Variants in HDAC2 observed in about 807,000 individuals in gnomAD.
The protein encoded by HDAC2 is YY1-associated factor 1.
A neutral mutation model predicts 68.5 loss-of-function variants in HDAC2; 5 were observed. The observed-to-expected ratio is 0.07, with a 90% confidence interval of 0.04 to 0.15. The LOEUF (loss-of-function observed/expected upper bound fraction) is 0.15, where lower values mean the gene tolerates loss of function less well. Among genes scored for constraint, HDAC2 ranks in the 10% least tolerant of loss-of-function variants. HDAC2 has a pLI of 1.00. For missense variants in HDAC2, 291 were observed against 600.8 expected, an observed-to-expected ratio of 0.48 and a Z score of 5.39; for synonymous variants, 182 against 191.3, an observed-to-expected ratio of 0.95 and a Z score of 0.40.
chr6:113,958,620 G>A (rs752727570), intron 3 of HDAC2, 29 bp downstream of exon 3: 1 of 1,115,172 alleles, frequency 9.0e-7, no homozygotes, highest in Non-Finnish European at 1.3e-6. Context: ...ATTTATCAAA[G>A]CAAAACTACT....
Position 113,943,135 on chromosome 6 carries a change from A to G in HDAC2, c.1378+216T>C, listed in dbSNP as rs115378846. Reference sequence around the variant, plus strand: ...TTAAACCTATGTTATCAAGAAAATAAGGTTTCCTGTATTACTAAAGCAAAT... The same window carrying G: ...TTAAACCTATGTTATCAAGAAAATAGGGTTTCCTGTATTACTAAAGCAAAT... On this transcript the variant is annotated intron_variant, in intron 12 of 13. Coordinates refer to ENST00000519065, the MANE Select transcript of HDAC2 (RefSeq NM_001527.4). 3.8e-3 allele frequency among the ~76,000 whole-genome samples: 585 copies of G among 152,312 alleles called. 7 individuals are homozygous for G. The highest frequency in any genetic ancestry group is 0.013 in the African/African-American group (552 of 41,576).
At chr6:113,941,868 C>T in intron 12 of HDAC2, 103 bp from the exon 13 acceptor site, 2 of 339,666 alleles carry the variant, frequency 5.9e-6, no homozygotes, top group South Asian at 1.0e-4. Context: ...AAAAGTTATG[C>T]AATCTTATTA....
chr6:113,933,529 T>C lies in HDAC2; in HGVS notation c.*7529A>G, dbSNP rs1258948563. On this transcript the variant is annotated 3_prime_UTR_variant, in exon 14 of 14. Transcript: ENST00000519065. The stretch of plus-strand genomic sequence containing the variant: ...ATCCCCTTCCATTCCCCTTCCCACT[T>C]CTATTTCCATTCCAGTCCATTCTAT... 1 of 152,144 alleles carries C rather than the reference T, an allele frequency of 6.6e-6. No individual in the cohort carries two copies. The highest frequency in any genetic ancestry group is 1.5e-5 in the Non-Finnish European group (1 of 68,012). 9.4% of individuals were successfully genotyped at this position (152,144 alleles called of 1,614,324 possible).
intron 6 of HDAC2, among the ~76,000 whole-genome samples, chr6:113,952,547 C>A (rs913208053): frequency 1.3e-5 from 2 of 152,080 alleles, no homozygotes; most frequent in Non-Finnish European, 2.9e-5. Context: ...TTGTTCAATG[C>A]CATATAAATC....
intron 6 of HDAC2, 174 bp from the exon 7 acceptor site, chr6:113,949,434 A>G (rs1434670469): frequency 5.0e-6 from 3 of 604,188 alleles, no homozygotes; most frequent in Non-Finnish European, 8.9e-6. Context: ...TAAACAACAA[A>G]TAAGTATATG....
chr6:113,951,797 G>A (rs1486002136), intron 6 of HDAC2, among the ~76,000 whole-genome samples: 2 of 152,152 alleles, frequency 1.3e-5, no homozygotes. Flanking sequence ...GTGAGAAAAA[G>A]AGATGTTGAA....
intron 6 of HDAC2, 119 bp from the exon 7 acceptor site, chr6:113,949,379 T>C: frequency 1.5e-6 from 1 of 657,100 alleles, no homozygotes; most frequent in Non-Finnish European, 2.7e-6. Flanking sequence ...TTTGAATTCA[T>C]CTTAGAAGTT....
chr6:113,945,859 T>C, intron 9 of HDAC2, 149 bp downstream of exon 9: 1 of 675,370 alleles, frequency 1.5e-6, no homozygotes, highest in South Asian at 2.0e-5. Context: ...GGCTAAGTCA[T>C]GTTTGGTAGG....
In HDAC2 at chr6:113,933,799, A is replaced by C. The variant is rs1334187950; in HGVS notation, c.*7259T>G. 2.0e-5 allele frequency: 3 copies of C among 151,808 alleles called. No homozygotes were observed. Among genetic ancestry groups the C allele is most frequent in the Non-Finnish European group, 2.9e-5 (2 of 67,974 alleles). The allele number at this position is 151,808 out of a possible 1,614,324, so 9.4% of individuals were successfully genotyped here. On this transcript the variant is annotated 3_prime_UTR_variant, in exon 14 of 14. Coordinates refer to ENST00000519065, the MANE Select transcript of HDAC2 (RefSeq NM_001527.4). The stretch of plus-strand genomic sequence containing the variant: ...AATATACATACACACACATATATAC[A>C]CATGTATATATATATATGTGTGTGT...
chr6:113,970,673 C>A (rs1386367447), intron 1 of HDAC2, 184 bp downstream of exon 1: 4 of 1,352,596 alleles, frequency 3.0e-6, no homozygotes, highest in Admixed American at 7.7e-5. Flanking sequence ...GCAGGAACCG[C>A]GGGGGCTGCG....
At chr6:113,969,992 C>T (rs1380021511) in intron 1 of HDAC2, 1 of 152,214 alleles carries the variant, frequency 6.6e-6, no homozygotes, top group Non-Finnish European at 1.5e-5. Flanking sequence ...AGCCAGGACC[C>T]ATGGAGTCTG....
chr6:113,943,431 C>A lies in HDAC2; in HGVS notation c.1298G>T (p.Arg433Ile), dbSNP rs958793647. 6.2e-7 allele frequency: 1 copy of A among 1,610,512 alleles called. No homozygotes were observed. Among genetic ancestry groups the A allele is most frequent in the African/African-American group, 1.3e-5 (1 of 74,856 alleles). Residue 433 changes from arginine (R) to isoleucine (I), a missense_variant, in exon 12 of 14, where the codon AGA becomes ATA. Transcript: ENST00000519065. ...DSEDEGEGGR[R>I]NVADHKKGAK... is the part of the protein sequence containing the mutation. ...TCCTTTCTTATGATCAGCCACATTTCTTCGACCTCCTTCTCCTTCATCCTC... is the reference window on the plus strand; with the variant it reads ...TCCTTTCTTATGATCAGCCACATTTATTCGACCTCCTTCTCCTTCATCCTC...
chr6:113,940,245 C>T lies in HDAC2; in HGVS notation c.*813G>A, dbSNP rs531414920. 3.0e-4 allele frequency: 45 copies of T among 152,208 alleles called. No homozygotes were observed. The highest frequency in any genetic ancestry group is 8.9e-4 in the African/African-American group (37 of 41,522). The allele number at this position is 152,208 out of a possible 1,614,324, so 9.4% of individuals were successfully genotyped here. A position where few individuals can be genotyped will look rare whatever the true frequency, so the allele number is the denominator to read the frequency against. ...CCTTGAGTTAGAAACCTGGATGTCA[C>T]GTAAATAATAATGGAACCTGGATGC... On this transcript the variant is annotated 3_prime_UTR_variant, in exon 14 of 14. Transcript: ENST00000519065.
intron 8 of HDAC2, chr6:113,947,577 C>T (rs986184056): frequency 6.6e-6 from 1 of 152,006 alleles, no homozygotes; most frequent in Non-Finnish European, 1.5e-5. Flanking sequence ...TAAGGACTTT[C>T]AAGTCAAAGA....
intron 12 of HDAC2, among the ~76,000 whole-genome samples, chr6:113,942,509 A>G (rs186239059): frequency 2.6e-5 from 4 of 152,010 alleles, no homozygotes; most frequent in African/African-American, 9.6e-5. Flanking sequence ...CATTATCTCT[A>G]AATCAGTTTT....
chr6:113,957,949 A>T (rs1344562545), intron 3 of HDAC2, among the ~76,000 whole-genome samples: 2 of 152,238 alleles, frequency 1.3e-5, no homozygotes, highest in Non-Finnish European at 2.9e-5. Context: ...TTGTAGCATT[A>T]TAACAAATCA....
At chr6:113,944,072 A>G (rs1303852683) in intron 11 of HDAC2, among the ~76,000 whole-genome samples, 6 of 152,224 alleles carry the variant, frequency 3.9e-5, no homozygotes, top group Non-Finnish European at 8.8e-5. Flanking sequence ...TTTCAATCAT[A>G]TATGTATATC....
At chr6:113,942,194 TGAAAG>T (rs1776151514) in intron 12 of HDAC2, among the ~76,000 whole-genome samples, 1 of 151,562 alleles carries the variant, frequency 6.6e-6, no homozygotes, top group Admixed American at 6.6e-5. Context: ...ATAGTGAAAA[TGAAAG>T]AAAAGAAAAA....
intron 5 of HDAC2, among the ~76,000 whole-genome samples, chr6:113,954,461 A>C (rs1280435391): frequency 6.6e-6 from 1 of 152,350 alleles, no homozygotes; most frequent in East Asian, 1.9e-4. Flanking sequence ...ATAAGCAAGG[A>C]AAGCTGTGCA....
Sources: allele counts gnomAD v4.1 joint callset (sites outside exome capture counted in the v4.1 genomes callset), GRCh38; gene constraint gnomAD v4.1.1; transcripts MANE v1.5; gene names NCBI Gene and HGNC (gene_info 2026-07-23, HGNC 2026-07-21).